RHCE: variants seen among roughly 807,000 people sequenced by gnomAD.
RHCE encodes blood group Rh(CE) polypeptide.
RHCE carries 22 observed loss-of-function variants against 43.8 expected under a neutral mutation model. That is an observed-to-expected ratio of 0.50 (90% CI 0.36 to 0.72). The LOEUF is 0.72. Among genes scored for constraint, RHCE ranks in the 30% least tolerant of loss-of-function variants. RHCE has a pLI of 0.00. For missense variants in RHCE, 385 were observed against 525.4 expected (o/e 0.73, Z 2.61); for synonymous variants, 156 against 210.7 (o/e 0.74, Z 2.25).
At chr1:25,408,294 G>A (rs560613870) in intron 2 of RHCE, among the ~76,000 whole-genome samples, 11,398 of 103,960 alleles carry the variant, frequency 0.11, 2,322 homozygotes, top group African/African-American at 0.3. Context: ...TCTCAAAAAA[G>A]AAAAAAAAAA....
chr1:25,370,285 G>A (rs1316344670), intron 9 of RHCE, among the ~76,000 whole-genome samples, 182 bp downstream of exon 9: 1 of 151,384 alleles, frequency 6.6e-6, no homozygotes, highest in Non-Finnish European at 1.5e-5. Context: ...CCACCTCCCC[G>A]CCACCCTCCC....
chr1:25,397,119 A>AAC (rs1337864237), intron 3 of RHCE, among the ~76,000 whole-genome samples: 4 of 147,836 alleles, frequency 2.7e-5, no homozygotes, highest in Non-Finnish European at 4.4e-5. Flanking sequence ...CTCAAAAAAA[A>AAC]AAAAAAAAAA....
chr1:25,362,400 T>G lies in RHCE; in HGVS notation c.*127A>C, dbSNP rs1248711046. The G allele has an allele frequency of 6.2e-7, 1 of 1,609,204 alleles. No homozygotes were observed. Among genetic ancestry groups the G allele is most frequent in the Admixed American group, 1.7e-5 (1 of 59,432 alleles). On this transcript the variant is annotated 3_prime_UTR_variant, in exon 10 of 10. Transcript: ENST00000294413. ...AATTTTTTAATATCAAATCTGTCTC[T>G]GACCTTGTTTCATTATACATAAGGA...
chr1:25,396,743 A>G lies in RHCE; in HGVS notation c.487-4602T>C, dbSNP rs114276588. The stretch of plus-strand genomic sequence containing the variant: ...CCCCTGTGATCCCATCACCTCCCAC[A>G]AGGTCCTGCCCTCAACACGTGGAGA... On this transcript the variant is annotated intron_variant, in intron 3 of 9. Transcript: ENST00000294413. 6.8e-3 allele frequency among the ~76,000 whole-genome samples: 1,040 copies of G among 151,924 alleles called. 17 individuals are homozygous for G. Among genetic ancestry groups the G allele is most frequent in the African/African-American group, 0.023 (967 of 41,206 alleles).
chr1:25,389,887 C>T (rs1376476396), intron 5 of RHCE, among the ~76,000 whole-genome samples: 2 of 152,096 alleles, frequency 1.3e-5, no homozygotes. Flanking sequence ...TAGGTTTAGC[C>T]TCTGAGCTTC....
At chr1:25,370,966 G>A in intron 8 of RHCE, among the ~76,000 whole-genome samples, 1 of 148,312 alleles carries the variant, frequency 6.7e-6, no homozygotes, top group East Asian at 2.0e-4. Flanking sequence ...ATGTTGGCCA[G>A]GCTGGTCTCG....
At chr1:25,413,143 A>G (rs1333917619) in intron 1 of RHCE, among the ~76,000 whole-genome samples, 1 of 151,710 alleles carries the variant, frequency 6.6e-6, no homozygotes, top group Non-Finnish European at 1.5e-5. Flanking sequence ...CTTCCTCCCC[A>G]AGGCTCTACA....
At chr1:25,415,667 T>TGA (rs1204650385) in intron 1 of RHCE, among the ~76,000 whole-genome samples, 1 of 152,022 alleles carries the variant, frequency 6.6e-6, no homozygotes, top group Non-Finnish European at 1.5e-5. Context: ...AAAAAGCTTT[T>TGA]GATAATAAAA....
chr1:25,387,375 C>G (rs545442115), intron 6 of RHCE, among the ~76,000 whole-genome samples: 91 of 152,312 alleles, frequency 6.0e-4, no homozygotes, highest in Middle Eastern at 3.4e-3. Context: ...ACACTGTATT[C>G]TGTGTATCCA....
intron 1 of RHCE, among the ~76,000 whole-genome samples, chr1:25,415,899 T>C (rs607781): frequency 0.035 from 5,301 of 149,914 alleles, 323 homozygotes; most frequent in African/African-American, 0.12. Context: ...AAAACACAGA[T>C]TGCTGGGCCC....
intron 1 of RHCE, among the ~76,000 whole-genome samples, chr1:25,417,420 G>T (rs635217): frequency 3.9e-5 from 6 of 152,294 alleles, no homozygotes; most frequent in Middle Eastern, 6.8e-3. Flanking sequence ...ATTGGAAGCA[G>T]AGAAATAATG....
intron 8 of RHCE, among the ~76,000 whole-genome samples, chr1:25,373,418 T>C (rs1361338876): frequency 4.6e-5 from 7 of 151,758 alleles, no homozygotes; most frequent in South Asian, 2.1e-4. Flanking sequence ...CAGGGTTGGA[T>C]TGCCAGCTGC....
At chr1:25,373,850 T>G (rs75476532) in intron 8 of RHCE, among the ~76,000 whole-genome samples, 38 of 151,036 alleles carry the variant, frequency 2.5e-4, no homozygotes, top group Non-Finnish European at 4.6e-4. Flanking sequence ...TTTTTTTTTT[T>G]GAGACAGTCT....
intron 3 of RHCE, among the ~76,000 whole-genome samples, chr1:25,393,886 G>A (rs534024725): frequency 2.0e-5 from 3 of 152,096 alleles, no homozygotes; most frequent in African/African-American, 7.2e-5. Context: ...AGGATGGAGG[G>A]AGTAGTCCAC....
chr1:25,428,570 T>C (rs1426471407), intron 2 of RHCE, among the ~76,000 whole-genome samples: 1 of 152,224 alleles, frequency 6.6e-6, no homozygotes, highest in Non-Finnish European at 1.5e-5. Flanking sequence ...GAGAAACAAG[T>C]ATACTGCTAA....
At chr1:25,377,316 C>G (rs148122051) in intron 7 of RHCE, among the ~76,000 whole-genome samples, 1 of 151,870 alleles carries the variant, frequency 6.6e-6, no homozygotes, top group Admixed American at 6.6e-5. Flanking sequence ...GTGATCTCAG[C>G]CTCCCGAGTA....
intron 3 of RHCE, among the ~76,000 whole-genome samples, chr1:25,396,540 G>C (rs1646542265): frequency 6.6e-6 from 1 of 152,290 alleles, no homozygotes; most frequent in East Asian, 1.9e-4. Flanking sequence ...GTTTGGCATG[G>C]CCGGAGAGGC....
chr1:25,399,084 A>C, intron 3 of RHCE: 2 of 1,598,546 alleles, frequency 1.3e-6, no homozygotes, highest in Non-Finnish European at 1.7e-6. Context: ...TGCCTCGCAG[A>C]AAGCTGCCAA....
chr1:25,390,681 G>A, intron 5 of RHCE, 68 bp downstream of exon 5: 4 of 1,573,648 alleles, frequency 2.5e-6, no homozygotes, highest in East Asian at 4.5e-5. Flanking sequence ...CTGGGGTGGG[G>A]AGGGGCATAA....
Sources: allele counts gnomAD v4.1 joint callset (sites outside exome capture counted in the v4.1 genomes callset), GRCh38; gene constraint gnomAD v4.1.1; transcripts MANE v1.5; gene names NCBI Gene and HGNC (gene_info 2026-07-23, HGNC 2026-07-21).